Variants in TNFRSF11A observed in about 807,000 individuals in gnomAD.
The protein encoded by TNFRSF11A is TNF receptor superfamily member 11a.
Under a neutral mutation model 55.7 loss-of-function variants are expected in TNFRSF11A, and 32 were observed. The ratio of observed to expected loss-of-function variants is 0.57; its 90% CI spans 0.43 to 0.77. The LOEUF (loss-of-function observed/expected upper bound fraction) is 0.77, where lower values mean the gene tolerates loss of function less well. TNFRSF11A is among the 30% of genes least tolerant of loss of function. TNFRSF11A has a pLI of 0.00. For synonymous variants in TNFRSF11A, 311 were observed against 331.0 expected, an observed-to-expected ratio of 0.94 and a Z score of 0.65; for missense variants, 753 against 809.8, an observed-to-expected ratio of 0.93 and a Z score of 0.85.
rs7234388 is a variant in TNFRSF11A, at chr18:62,380,805, C to T, written c.1568-3946C>T. 1.2e-4 allele frequency among the ~76,000 whole-genome samples: 10 copies of T among 83,574 alleles called. 1 individual carries two copies. The highest frequency in any genetic ancestry group is 2.4e-4 in the African/African-American group (7 of 28,848). 54.8% of individuals were successfully genotyped at this position (83,574 alleles called of 152,430 possible). ...CTCACGGCCTTCCAAAAATAATATT[C>T]TTTTTTTTTTTTTTTGAGATGGGGG... On this transcript the variant is annotated intron_variant, in intron 9 of 9. Coordinates refer to ENST00000586569, the MANE Select transcript of TNFRSF11A (RefSeq NM_003839.4).
chr18:62,325,424 G>A lies in TNFRSF11A; in HGVS notation c.72G>A (p.Leu24=), dbSNP rs1271308230. The A allele has an allele frequency of 7.9e-7, 1 of 1,264,032 alleles. No homozygotes were observed. Among genetic ancestry groups the A allele is most frequent in the Non-Finnish European group, 1.0e-6 (1 of 992,090 alleles). 78.3% of individuals were successfully genotyped at this position (1,264,032 alleles called of 1,614,324 possible). A position where few individuals can be genotyped will look rare whatever the true frequency, so the allele number is the denominator to read the frequency against. Residue 24 remains leucine (L), a synonymous_variant, in exon 1 of 10, where the codon CTG becomes CTA. Coordinates refer to ENST00000586569, the MANE Select transcript of TNFRSF11A (RefSeq NM_003839.4). The surrounding 1 kb of genome is among the most constrained non-coding windows in gnomAD (Gnocchi z 4.7). The part of the protein sequence containing the change: ...LLLLCALLAR[L]QVALQIAPPC... ...TGCTCTGCGCGCTGCTCGCCCGGCT[G>A]CAGGTAAGGAGCGCCCGCGCCTGCC...
In TNFRSF11A at chr18:62,350,357, A is replaced by T. The variant is rs543383303; in HGVS notation, c.283+420A>T. Among the ~76,000 whole-genome samples the T allele has an allele frequency of 2.6e-5, 4 of 152,188 alleles. No homozygotes were observed. The South Asian group carries it at 8.3e-4, about 32-fold the overall frequency. ...GCCCAGGCTGGAGTGCAGTGGCGCG[A>T]TCTCAGCTCACTGCAAGCTCTGCCT... is the stretch of plus-strand genomic sequence containing the variant. On this transcript the variant is annotated intron_variant, in intron 3 of 9. Transcript: ENST00000586569.
intron 7 of TNFRSF11A, among the ~76,000 whole-genome samples, chr18:62,366,387 C>T (rs1261584474): frequency 6.6e-6 from 1 of 152,108 alleles, no homozygotes; most frequent in African/African-American, 2.4e-5. Context: ...TCGGAGGATA[C>T]AAAGTAGCAG....
intron 1 of TNFRSF11A, among the ~76,000 whole-genome samples, chr18:62,337,483 C>T (rs1272629491): frequency 6.6e-6 from 1 of 152,190 alleles, no homozygotes; most frequent in Non-Finnish European, 1.5e-5. Flanking sequence ...TTATACCCTA[C>T]CCACCTCACA....
At position 62,342,344 on chromosome 18, in the gene TNFRSF11A, G is replaced by A. The variant is rs368720683; in HGVS notation, c.76-5824G>A. ...TTGAGCCTGGGAGGTCAAGGCTGCA[G>A]TGAGCTATGATCATGCCACTGCACT... On this transcript the variant is annotated intron_variant, in intron 1 of 9. Transcript: ENST00000586569. Among the ~76,000 whole-genome samples the A allele has an allele frequency of 1.1e-4, 15 of 135,536 alleles. No homozygotes were observed. The East Asian group carries it at 3.1e-3, about 28-fold the overall frequency. 88.9% of individuals were successfully genotyped at this position (135,536 alleles called of 152,430 possible).
chr18:62,344,277 C>T (rs545114788), intron 1 of TNFRSF11A, among the ~76,000 whole-genome samples: 25 of 152,328 alleles, frequency 1.6e-4, no homozygotes, highest in Non-Finnish European at 3.5e-4. Flanking sequence ...AGTATTTCTG[C>T]TTTATTTGCT....
In TNFRSF11A at chr18:62,390,591, G is replaced by A. The variant is rs1159629960; in HGVS notation, c.*5557G>A. ...GGCTCTTGGTTTCTCACGGGCAGGGGTAGCCCAGGAAACAAAGGCTGTATA... is the reference window on the plus strand; with the variant it reads ...GGCTCTTGGTTTCTCACGGGCAGGGATAGCCCAGGAAACAAAGGCTGTATA... On this transcript the variant is annotated 3_prime_UTR_variant, in exon 10 of 10. Coordinates refer to ENST00000586569, the MANE Select transcript of TNFRSF11A (RefSeq NM_003839.4). The A allele has an allele frequency of 5.3e-5, 8 of 152,160 alleles. No homozygotes were observed. The East Asian group carries it at 1.5e-3, about 29-fold the overall frequency. The allele number at this position is 152,160 out of a possible 1,614,324, so 9.4% of individuals were successfully genotyped here.
chr18:62,371,895 C>T (rs556292391), intron 9 of TNFRSF11A, among the ~76,000 whole-genome samples: 1 of 152,326 alleles, frequency 6.6e-6, no homozygotes, highest in South Asian at 2.1e-4. Context: ...AGCCCCTGTG[C>T]TCTCAGGACT....
chr18:62,345,021 G>A (rs1351905470), intron 1 of TNFRSF11A, among the ~76,000 whole-genome samples: 2 of 152,224 alleles, frequency 1.3e-5, no homozygotes, highest in South Asian at 2.1e-4. Context: ...GGGACAAGTC[G>A]GTCAATCCTC....
chr18:62,380,912 C>T, intron 9 of TNFRSF11A, among the ~76,000 whole-genome samples: 1 of 151,802 alleles, frequency 6.6e-6, no homozygotes, highest in East Asian at 1.9e-4. Context: ...AGGTGATCCT[C>T]CCACCTCAGC....
chr18:62,381,151 A>G (rs1270381814), intron 9 of TNFRSF11A, among the ~76,000 whole-genome samples: 4 of 152,188 alleles, frequency 2.6e-5, no homozygotes, highest in Non-Finnish European at 4.4e-5. Flanking sequence ...AAGGATTCTG[A>G]AATGTTTAGA....
Position 62,383,138 on chromosome 18 carries a change from G to C in TNFRSF11A, c.1568-1613G>C, listed in dbSNP as rs1911413675. Among the ~76,000 whole-genome samples, 1 of 152,176 alleles carries C rather than the reference G, an allele frequency of 6.6e-6. No homozygotes were observed. Among genetic ancestry groups the C allele is most frequent in the African/African-American group, 2.4e-5 (1 of 41,444 alleles). The stretch of plus-strand genomic sequence containing the variant: ...ATGCTAATTGGGGGTTCTTAGACAA[G>C]TCCTGCCACTGCCCATCTTGAAGGA... On this transcript the variant is annotated intron_variant, in intron 9 of 9. Coordinates refer to ENST00000586569, the MANE Select transcript of TNFRSF11A (RefSeq NM_003839.4). This position sits in a 1 kb window ranked among gnomAD's most constrained non-coding sequence, Gnocchi z 4.2.
At chr18:62,378,239 A>G (rs1455911485) in intron 9 of TNFRSF11A, 1 of 152,240 alleles carries the variant, frequency 6.6e-6, no homozygotes, top group African/African-American at 2.4e-5. Flanking sequence ...GGTATCTATT[A>G]GATAAGGATA....
chr18:62,387,384 A>T lies in TNFRSF11A; in HGVS notation c.*2350A>T, dbSNP rs900537060. 1 of 152,202 alleles carries T rather than the reference A, an allele frequency of 6.6e-6. No individual in the cohort carries two copies. The highest frequency in any genetic ancestry group is 1.5e-5 in the Non-Finnish European group (1 of 68,022). The allele number at this position is 152,202 out of a possible 1,614,324, so 9.4% of individuals were successfully genotyped here. Reference sequence around the variant, plus strand: ...GAACAGTTATTAGGGGGAACATGATAAAGAGATTATATTAAGCTTATGTTT... The same window carrying T: ...GAACAGTTATTAGGGGGAACATGATTAAGAGATTATATTAAGCTTATGTTT... On this transcript the variant is annotated 3_prime_UTR_variant, in exon 10 of 10. Transcript: ENST00000586569.
intron 4 of TNFRSF11A, among the ~76,000 whole-genome samples, chr18:62,355,284 A>T (rs950091845): frequency 4.7e-5 from 7 of 149,420 alleles, no homozygotes; most frequent in South Asian, 2.1e-4. Context: ...TATTTTATTT[A>T]TTTTTTTTTT....
intron 1 of TNFRSF11A, among the ~76,000 whole-genome samples, chr18:62,344,236 G>A (rs750956712): frequency 4.6e-5 from 7 of 152,230 alleles, no homozygotes; most frequent in Non-Finnish European, 5.9e-5. Flanking sequence ...TCATGGGACT[G>A]TATTCCCTAT....
intron 8 of TNFRSF11A, among the ~76,000 whole-genome samples, chr18:62,367,180 G>A (rs577233836): frequency 6.6e-6 from 1 of 152,304 alleles, no homozygotes; most frequent in African/African-American, 2.4e-5. Context: ...GCATTTCCAG[G>A]TTCAGTGATC....
At position 62,325,323 on chromosome 18, in the gene TNFRSF11A, G is replaced by GCCGCGGCGC. The variant is rs1402838296; in HGVS notation, c.-25_-17dup. The stretch of plus-strand genomic sequence containing the variant: ...CCGCTGGGCCACAGAGGCCGCTGAG[G>GCCGCGGCGC]CCGCGGCGCCCGCCAGCCTGTCCCG... On this transcript the variant is annotated 5_prime_UTR_variant, in exon 1 of 10. Transcript: ENST00000586569. This position sits in a 1 kb window ranked among gnomAD's most constrained non-coding sequence, Gnocchi z 4.7. 2 of 994,946 alleles carry GCCGCGGCGC rather than the reference G, an allele frequency of 2.0e-6. No individual in the cohort carries two copies. Among genetic ancestry groups the GCCGCGGCGC allele is most frequent in the Non-Finnish European group, 2.4e-6 (2 of 834,138 alleles). The allele number at this position is 994,946 out of a possible 1,614,324, so 61.6% of individuals were successfully genotyped here.
chr18:62,346,301 C>T (rs2046383128), intron 1 of TNFRSF11A, among the ~76,000 whole-genome samples: 1 of 152,154 alleles, frequency 6.6e-6, no homozygotes, highest in African/African-American at 2.4e-5. Context: ...CTTTTTGACC[C>T]AGTTTGCATG....
Sources: allele counts gnomAD v4.1 joint callset (sites outside exome capture counted in the v4.1 genomes callset), GRCh38; gene constraint gnomAD v4.1.1; non-coding constraint Gnocchi (gnomAD v3.1); transcripts MANE v1.5; gene names NCBI Gene and HGNC (gene_info 2026-07-23, HGNC 2026-07-21).